PIGN: variants seen among roughly 807,000 people sequenced by gnomAD.
The protein encoded by PIGN is GPI ethanolamine phosphate transferase 1.
PIGN carries 117 observed loss-of-function variants against 125.4 expected under a neutral mutation model. The ratio of observed to expected loss-of-function variants is 0.93; its 90% CI spans 0.80 to 1.09. The LOEUF is 1.09. PIGN is among the 50% of genes least tolerant of loss of function. The pLI, the probability that PIGN is intolerant of heterozygous loss-of-function variation, is 0.00. For missense variants in PIGN, 1,075 were observed against 1,094.9 expected (o/e 0.98, Z 0.26); for synonymous variants, 392 against 377.8 (o/e 1.04, Z -0.44).
rs74504830 is a variant in PIGN at position 62,176,215 on chromosome 18, A to G, written c.-236+10629T>C. 7.1e-3 allele frequency among the ~76,000 whole-genome samples: 1,082 copies of G among 152,246 alleles called. 15 individuals carry two copies. Among genetic ancestry groups the G allele is most frequent in the African/African-American group, 0.025 (1,033 of 41,548 alleles). On this transcript the variant is annotated intron_variant, in intron 1 of 30. Transcript: ENST00000640252. The stretch of plus-strand genomic sequence containing the variant: ...GTAATGACTTATTATCCTTATCTCT[A>G]CCAGAATACAATGAGATATTAATGA...
intron 23 of PIGN, among the ~76,000 whole-genome samples, chr18:62,022,085 G>A (rs1030813600): frequency 6.6e-6 from 1 of 152,150 alleles, no homozygotes; most frequent in African/African-American, 2.4e-5. Flanking sequence ...CGTCTTCAAA[G>A]GCAGCAGAAG....
chr18:62,108,280 C>T (rs974668824), intron 17 of PIGN, among the ~76,000 whole-genome samples: 1 of 152,022 alleles, frequency 6.6e-6, no homozygotes, highest in African/African-American at 2.4e-5. Flanking sequence ...AAAGATAGGA[C>T]ACAACATACT....
At chr18:62,128,283 C>A (rs1363898301) in intron 14 of PIGN, among the ~76,000 whole-genome samples, 2 of 152,060 alleles carry the variant, frequency 1.3e-5, no homozygotes, top group East Asian at 3.9e-4. Context: ...ACTGGTGTGA[C>A]AAACTGAGGA....
chr18:62,019,767 A>T (rs1334212511), intron 23 of PIGN, among the ~76,000 whole-genome samples: 2 of 152,264 alleles, frequency 1.3e-5, no homozygotes, highest in African/African-American at 4.8e-5. Flanking sequence ...CTCCCGCAGT[A>T]AGCAACAATA....
intron 14 of PIGN, among the ~76,000 whole-genome samples, chr18:62,120,576 TATAACA>T (rs1332447885): frequency 6.6e-6 from 1 of 152,046 alleles, no homozygotes; most frequent in African/African-American, 2.4e-5. Flanking sequence ...AATTAAAATA[TATAACA>T]ATAACATCAA....
intron 30 of PIGN, 77 bp from the exon 31 acceptor site, chr18:62,046,056 T>C: frequency 6.9e-7 from 1 of 1,440,722 alleles, no homozygotes; most frequent in Admixed American, 2.0e-5. Flanking sequence ...TGAATGGTTT[T>C]AAATGGACAG....
In PIGN at chr18:62,161,235, G is replaced by A. The variant is rs1310557310; in HGVS notation, c.119C>T (p.Pro40Leu). The A allele has an allele frequency of 1.2e-6, 2 of 1,613,706 alleles. No individual in the cohort carries two copies. The highest frequency in any genetic ancestry group is 1.7e-6 in the Non-Finnish European group (2 of 1,179,690). Residue 40 changes from proline (P) to leucine (L), a missense_variant, in exon 4 of 31, where the codon CCT becomes CTT. Around this residue, in one of 3 missense-constraint regions of PIGN, gnomAD observed 152 missense variants for 162.9 expected, o/e 0.93. Transcript: ENST00000640252. ...CAACACTAATCTTCTCGCTGGAGGA[G>A]GCAATGGTGTAAACTGAGGAGTCAT... ...HGMTPQFTPL[P>L]PPARRLVLFV...
Position 62,058,831 on chromosome 18 carries a change from C to T in PIGN, c.2673-12852G>A, listed in dbSNP as rs887677676. ...TCATAATTACCAGAGAAATCTTCAA[C>T]TCTATTCTGTTTCTGAGGCCTCAGA... On this transcript the variant is annotated intron_variant, in intron 30 of 30. Transcript: ENST00000640252. 4.6e-5 allele frequency: 7 copies of T among 152,098 alleles called. No individual in the cohort carries two copies. The South Asian group carries it at 1.0e-3, about 23-fold the overall frequency. The allele number at this position is 152,098 out of a possible 1,614,324, so 9.4% of individuals were successfully genotyped here.
intron 14 of PIGN, among the ~76,000 whole-genome samples, chr18:62,117,784 T>C (rs1000042312): frequency 1.3e-5 from 2 of 152,154 alleles, no homozygotes; most frequent in Non-Finnish European, 2.9e-5. Context: ...AGCTATTTTT[T>C]TTAGCTCCCA....
intron 23 of PIGN, among the ~76,000 whole-genome samples, chr18:62,034,590 A>T (rs758307583): frequency 1.3e-5 from 2 of 152,228 alleles, no homozygotes; most frequent in Non-Finnish European, 2.9e-5. Flanking sequence ...GATGTGAGAC[A>T]TGGAGTCAAA....
At position 62,045,843 on chromosome 18, in the gene PIGN, T is replaced by C. The variant is rs1385609153; in HGVS notation, c.*13A>G. The stretch of plus-strand genomic sequence containing the variant: ...GAATCAGGATCCAGATGCTGAATGG[T>C]GCTTCAGCAACCTCACATGAAGTGA... On this transcript the variant is annotated 3_prime_UTR_variant, in exon 31 of 31. Transcript: ENST00000640252. 2 of 1,613,090 alleles carry C rather than the reference T, an allele frequency of 1.2e-6. No homozygotes were observed. The highest frequency in any genetic ancestry group is 1.7e-6 in the Non-Finnish European group (2 of 1,179,318).
chr18:62,184,318 C>T (rs1359205580), intron 1 of PIGN, among the ~76,000 whole-genome samples: 1 of 152,148 alleles, frequency 6.6e-6, no homozygotes, highest in African/African-American at 2.4e-5. Context: ...GCTTTAATAA[C>T]TATCATTAGT....
chr18:62,065,106 TTTTC>T (rs768616335), intron 30 of PIGN, among the ~76,000 whole-genome samples: 2 of 152,116 alleles, frequency 1.3e-5, no homozygotes, highest in Non-Finnish European at 2.9e-5. Flanking sequence ...GGCGTTTTCT[TTTTC>T]TTTCTCTCTC....
chr18:62,063,339 T>C (rs1268624834), intron 30 of PIGN, among the ~76,000 whole-genome samples: 64 of 91,106 alleles, frequency 7.0e-4, no homozygotes, highest in East Asian at 4.4e-3. Context: ...TATGGTTTTA[T>C]AGATTTTAGC....
intron 1 of PIGN, among the ~76,000 whole-genome samples, chr18:62,175,683 T>C (rs2037501033): frequency 6.6e-6 from 1 of 152,162 alleles, no homozygotes; most frequent in African/African-American, 2.4e-5. Context: ...ATCCTCAGAC[T>C]AGAATATAAG....
At chr18:62,163,487 A>G (rs1258703703) in intron 2 of PIGN, 44 bp downstream of exon 2, 1 of 152,176 alleles carries the variant, frequency 6.6e-6, no homozygotes, top group Non-Finnish European at 1.5e-5. Context: ...ATACCCTCAG[A>G]GAATACGAAG....
downstream of PIGN, among the ~76,000 whole-genome samples, chr18:62,037,160 T>C (rs1395396288): frequency 6.6e-6 from 1 of 152,226 alleles, no homozygotes; most frequent in Non-Finnish European, 1.5e-5. Context: ...TTTCCAAGTG[T>C]TATCGTCTGT....
At position 62,095,889 on chromosome 18, in the gene PIGN, T is replaced by C. The variant is rs547759377; in HGVS notation, c.2139A>G (p.Ile713Met). The stretch of plus-strand genomic sequence containing the variant: ...GGTAGGTTGACATCAATGAAAGAAG[T>C]ATGCTGAACAATCGCTGAAAGAGAA... ...SPVLFQRLFS[I>M]LLSLMSTYLL... Residue 713 changes from isoleucine to methionine, a missense_variant, in exon 23 of 31, where the codon ATA (isoleucine) becomes ATG (methionine). By Grantham distance (10) the Ile-to-Met change is conservative (BLOSUM62 1). Coordinates refer to ENST00000640252, the MANE Select transcript of PIGN (RefSeq NM_176787.5). 16 of 1,613,116 alleles carry C rather than the reference T, an allele frequency of 9.9e-6. No individual in the cohort carries two copies. The South Asian group carries it at 1.2e-4, about 12-fold the overall frequency.
intron 23 of PIGN, among the ~76,000 whole-genome samples, chr18:62,024,697 A>C (rs1054722830): frequency 3.3e-5 from 5 of 152,176 alleles, no homozygotes; most frequent in African/African-American, 1.2e-4. Flanking sequence ...CTTGTCTTCA[A>C]ATATTACTGA....
Sources: allele counts gnomAD v4.1 joint callset (sites outside exome capture counted in the v4.1 genomes callset), GRCh38; gene constraint gnomAD v4.1.1; regional missense constraint gnomAD v4.1.1; transcripts MANE v1.5; gene names NCBI Gene and HGNC (gene_info 2026-07-23, HGNC 2026-07-21).